The following RIN2 variants were observed in gnomAD, a reference collection of about 807,000 sequenced individuals.
RIN2 encodes Ras and Rab interactor 2.
A neutral mutation model predicts 78.0 loss-of-function variants in RIN2; 36 were observed. The ratio of observed to expected loss-of-function variants is 0.46; its 90% CI spans 0.35 to 0.61. RIN2 has a LOEUF of 0.61. Ranked by LOEUF, RIN2 falls within the 20% of genes least tolerant of loss-of-function variation. The pLI is 0.00. For synonymous variants in RIN2, 466 were observed against 466.8 expected (o/e 1.00, Z 0.02); for missense variants, 1,087 against 1,159.7 (o/e 0.94, Z 0.91).
chr20:19,825,948 A>T (rs1455729975), intron 2 of RIN2, among the ~76,000 whole-genome samples: 1 of 152,252 alleles, frequency 6.6e-6, no homozygotes, highest in Non-Finnish European at 1.5e-5. Context: ...TTGTAGGTAT[A>T]GCCCTGAAGA....
intron 2 of RIN2, among the ~76,000 whole-genome samples, chr20:19,845,341 C>T (rs1271860384): frequency 6.6e-6 from 1 of 152,198 alleles, no homozygotes; most frequent in Non-Finnish European, 1.5e-5. Context: ...CTAATTTACA[C>T]TCCCACCAAC....
At position 19,974,691 on chromosome 20, in the gene RIN2, C is replaced by A. The variant is rs2042211473; in HGVS notation, c.666C>A (p.Asn222Lys). Residue 222 changes from asparagine (N) to lysine (K), a missense_variant, in exon 9 of 13, where the codon AAC becomes AAA. By Grantham distance (94) the Asn-to-Lys change is moderately conservative. Coordinates refer to ENST00000255006, the MANE Select transcript of RIN2 (RefSeq NM_018993.4). ...CCCCAGCTGACAGCAAACCCCCGAA[C>A]CTTCCACCTCCCCATAGGCCTCTTT... ...WSSPADSKPP[N>K]LPPPHRPLSS... The A allele has an allele frequency of 1.9e-6, 3 of 1,613,642 alleles. No individual in the cohort carries two copies. Among genetic ancestry groups the A allele is most frequent in the Middle Eastern group, 1.6e-4 (1 of 6,084 alleles).
chr20:19,811,142 A>G lies in RIN2; in HGVS notation c.-37+11395A>G, dbSNP rs193082076. Among the ~76,000 whole-genome samples the G allele has an allele frequency of 4.7e-4, 71 of 152,156 alleles. 2 individuals are homozygous for G. In the East Asian group the frequency reaches 0.012, roughly 25 times the overall value. ...GTGGTGGTTTATTTTGGTCCCCCTGAGACAAGGATTTAGATGCAGTAATTT... is the reference window on the plus strand; with the variant it reads ...GTGGTGGTTTATTTTGGTCCCCCTGGGACAAGGATTTAGATGCAGTAATTT... On this transcript the variant is annotated intron_variant, in intron 2 of 12. Coordinates refer to ENST00000255006, the MANE Select transcript of RIN2 (RefSeq NM_018993.4).
At chr20:19,949,358 C>T (rs1293442957) in intron 4 of RIN2, among the ~76,000 whole-genome samples, 2 of 152,146 alleles carry the variant, frequency 1.3e-5, no homozygotes, top group Non-Finnish European at 2.9e-5. Context: ...GTTTAGGGGG[C>T]TTTTTGTTTT....
chr20:19,860,362 C>T (rs1370474381), intron 2 of RIN2, among the ~76,000 whole-genome samples: 1 of 152,072 alleles, frequency 6.6e-6, no homozygotes, highest in African/African-American at 2.4e-5. Context: ...CACTCTGTTG[C>T]TCAGGCTGGA....
chr20:19,917,675 A>C (rs138444912), intron 3 of RIN2, among the ~76,000 whole-genome samples: 1 of 152,322 alleles, frequency 6.6e-6, no homozygotes, highest in African/African-American at 2.4e-5. Flanking sequence ...TACTTTTCAC[A>C]ACTTGTTTAT....
chr20:19,989,165 C>T (rs751272435), intron 9 of RIN2, among the ~76,000 whole-genome samples: 1 of 151,978 alleles, frequency 6.6e-6, no homozygotes, highest in Non-Finnish European at 1.5e-5. Flanking sequence ...AGGCTGTATT[C>T]GATGCCCCAC....
At chr20:19,885,844 T>A (rs1232397780) in intron 2 of RIN2, among the ~76,000 whole-genome samples, 1 of 152,228 alleles carries the variant, frequency 6.6e-6, no homozygotes, top group African/African-American at 2.4e-5. Flanking sequence ...TATATCAAGA[T>A]GTCATGTTGT....
chr20:19,830,243 T>C (rs917057956), intron 2 of RIN2, among the ~76,000 whole-genome samples: 3 of 150,980 alleles, frequency 2.0e-5, no homozygotes, highest in African/African-American at 7.4e-5. Context: ...AGACTGCTGG[T>C]TTCTCTAACT....
At chr20:19,999,072 G>A (rs976644993) in intron 12 of RIN2, among the ~76,000 whole-genome samples, 1 of 152,036 alleles carries the variant, frequency 6.6e-6, no homozygotes, top group Admixed American at 6.5e-5. Context: ...CAAAACCTCA[G>A]ACCCAAAGCT....
At chr20:19,862,222 A>G (rs1384471037) in intron 2 of RIN2, among the ~76,000 whole-genome samples, 1 of 152,208 alleles carries the variant, frequency 6.6e-6, no homozygotes, top group Non-Finnish European at 1.5e-5. Context: ...TGGTATTAAA[A>G]TTTAATGGAG....
At chr20:19,815,984 G>T (rs1385734669) in intron 2 of RIN2, among the ~76,000 whole-genome samples, 4 of 152,174 alleles carry the variant, frequency 2.6e-5, no homozygotes, top group Non-Finnish European at 5.9e-5. Context: ...GTCTTCTTTG[G>T]TTAAGAAGAT....
At chr20:19,842,546 A>G (rs1315450468) in intron 2 of RIN2, among the ~76,000 whole-genome samples, 2 of 151,894 alleles carry the variant, frequency 1.3e-5, no homozygotes, top group African/African-American at 4.8e-5. Context: ...CCAGCCACAC[A>G]TCTGTTTACA....
intron 3 of RIN2, among the ~76,000 whole-genome samples, chr20:19,931,587 T>C (rs1285520411): frequency 6.6e-6 from 1 of 152,256 alleles, no homozygotes; most frequent in Non-Finnish European, 1.5e-5. Flanking sequence ...TATTTTAATA[T>C]GCAATATGTA....
chr20:19,954,965 T>C (rs886389454), intron 4 of RIN2, among the ~76,000 whole-genome samples: 2 of 152,212 alleles, frequency 1.3e-5, no homozygotes, highest in Non-Finnish European at 2.9e-5. Context: ...GTAATTCACA[T>C]ACCATAAAAT....
At chr20:19,766,403 TAG>T (rs1491370155) in intron 1 of RIN2, among the ~76,000 whole-genome samples, 2 of 151,878 alleles carry the variant, frequency 1.3e-5, no homozygotes, top group Non-Finnish European at 2.9e-5. Flanking sequence ...GGATCAGAGG[TAG>T]AGTCATTTCA....
At chr20:19,953,293 A>G (rs1184756183) in intron 4 of RIN2, among the ~76,000 whole-genome samples, 2 of 151,770 alleles carry the variant, frequency 1.3e-5, no homozygotes, top group Non-Finnish European at 2.9e-5. Context: ...CACCATGCCC[A>G]GCTAATTATG....
At chr20:19,976,632 G>C (rs769873683) in intron 9 of RIN2, among the ~76,000 whole-genome samples, 6 of 149,838 alleles carry the variant, frequency 4.0e-5, no homozygotes, top group Non-Finnish European at 7.4e-5. Flanking sequence ...AAGGTTCTTT[G>C]TTTGTTTGTT....
At chr20:19,833,345 C>T (rs974186521) in intron 2 of RIN2, among the ~76,000 whole-genome samples, 4 of 151,734 alleles carry the variant, frequency 2.6e-5, no homozygotes. Flanking sequence ...AGGTTTGTTA[C>T]GTAGGTATAC....
Sources: gnomAD v4.1 joint callset for allele counts (sites outside exome capture counted in the v4.1 genomes callset) on GRCh38, gnomAD v4.1.1 for gene constraint, MANE v1.5 for transcripts, NCBI Gene and HGNC (gene_info 2026-07-23, HGNC 2026-07-21) for gene names.